TBCEL: variants seen among roughly 807,000 people sequenced by gnomAD.
TBCEL encodes the protein tubulin-specific chaperone cofactor E-like protein.
Under a neutral mutation model 44.2 loss-of-function variants are expected in TBCEL, and 15 were observed. The observed-to-expected ratio is 0.34, with a 90% CI of 0.23 to 0.52. The LOEUF (loss-of-function observed/expected upper bound fraction) is 0.52. TBCEL is among the 20% of genes least tolerant of loss of function. TBCEL has a pLI of 0.95. For missense variants in TBCEL, 319 were observed against 506.3 expected (o/e 0.63, Z 3.55); for synonymous variants, 171 against 185.4 (o/e 0.92, Z 0.63).
chr11:121,024,456 G>C (rs1478583130), intron 1 of TBCEL, among the ~76,000 whole-genome samples, 165 bp downstream of exon 1: 2 of 151,890 alleles, frequency 1.3e-5, no homozygotes, highest in Non-Finnish European at 2.9e-5. Flanking sequence ...GGGGATGGGA[G>C]ACCTGCCCTG....
intron 1 of TBCEL, among the ~76,000 whole-genome samples, chr11:121,034,143 G>A (rs1945190084): frequency 6.6e-6 from 1 of 152,118 alleles, no homozygotes; most frequent in Non-Finnish European, 1.5e-5. Context: ...GGGTCATATA[G>A]TAATTCTGTG....
In TBCEL at chr11:121,045,799, A is replaced by G. The variant is rs1945419946; in HGVS notation, c.109A>G (p.Thr37Ala). The G allele has an allele frequency of 6.2e-7, 1 of 1,609,944 alleles. No homozygotes were observed. The part of the protein sequence containing the change: ...GPGMGVHVPA[T>A]PQGSPMKDRL... ...GGGGATGGGAGTCCATGTCCCAGCCACACCTCAGGGCTCTCCTATGAAAGG... is the reference window on the plus strand; with the variant it reads ...GGGGATGGGAGTCCATGTCCCAGCCGCACCTCAGGGCTCTCCTATGAAAGG... Residue 37 changes from threonine (T) to alanine (A), a missense_variant, in exon 3 of 9, where the codon ACA becomes GCA. Transcript: ENST00000683345.
chr11:121,084,931 CTTTGT>C (rs1254905378), intron 8 of TBCEL, among the ~76,000 whole-genome samples: 2 of 151,686 alleles, frequency 1.3e-5, no homozygotes, highest in Non-Finnish European at 2.9e-5. Context: ...GTTTGTTTTG[CTTTGT>C]TTTGTTTTAT....
chr11:121,060,250 A>G (rs139541613), intron 8 of TBCEL, among the ~76,000 whole-genome samples, 165 bp downstream of exon 8: 89 of 151,972 alleles, frequency 5.9e-4, no homozygotes, highest in Non-Finnish European at 1.1e-3. Flanking sequence ...ATTTTATCTC[A>G]TTTTCCACAG....
intron 1 of TBCEL, among the ~76,000 whole-genome samples, chr11:121,028,140 C>A (rs1293547123): frequency 6.6e-6 from 1 of 151,974 alleles, no homozygotes; most frequent in Non-Finnish European, 1.5e-5. Context: ...GAGGTTGAGG[C>A]TTCAGTGAGC....
chr11:121,083,526 T>G (rs1332705540), intron 8 of TBCEL, among the ~76,000 whole-genome samples: 2 of 152,222 alleles, frequency 1.3e-5, no homozygotes, highest in Non-Finnish European at 2.9e-5. Context: ...GGTCATTTAA[T>G]TTTTAGATGT....
At chr11:121,050,512 A>G (rs1945510502) in intron 4 of TBCEL, among the ~76,000 whole-genome samples, 1 of 151,656 alleles carries the variant, frequency 6.6e-6, no homozygotes, top group African/African-American at 2.4e-5. Context: ...AAAATTGGGC[A>G]CCTATGTTTA....
chr11:121,026,715 C>T (rs1274816099), intron 1 of TBCEL, among the ~76,000 whole-genome samples: 1 of 152,108 alleles, frequency 6.6e-6, no homozygotes, highest in Non-Finnish European at 1.5e-5. Flanking sequence ...TATCAGCCAT[C>T]CTTTAAAAAT....
intron 2 of TBCEL, among the ~76,000 whole-genome samples, chr11:121,041,928 A>G (rs1045107642): frequency 2.0e-5 from 3 of 151,378 alleles, no homozygotes; most frequent in African/African-American, 7.3e-5. Flanking sequence ...AAAAAAAAAA[A>G]GAAGTCTTAA....
At chr11:121,075,906 C>T (rs903400285) in intron 8 of TBCEL, among the ~76,000 whole-genome samples, 1 of 151,842 alleles carries the variant, frequency 6.6e-6, no homozygotes, top group African/African-American at 2.4e-5. Context: ...TTTGTTTTGG[C>T]GTATGGGTGC....
Position 121,055,372 on chromosome 11 carries a change from T to C in TBCEL, c.712+64T>C, listed in dbSNP as rs1945600819. 6 of 1,421,498 alleles carry C rather than the reference T, an allele frequency of 4.2e-6. No individual in the cohort carries two copies. The South Asian group carries it at 1.1e-4, about 25-fold the overall frequency. The allele number at this position is 1,421,498 out of a possible 1,614,324, so 88.1% of individuals were successfully genotyped here. ...ACCTGAGCATATGCATGAAATACAATGAAAGTATATTTCTTTCAGTCACAG... is the reference window on the plus strand; with the variant it reads ...ACCTGAGCATATGCATGAAATACAACGAAAGTATATTTCTTTCAGTCACAG... On this transcript the variant is annotated intron_variant, in intron 6 of 8. Coordinates refer to ENST00000683345, the MANE Select transcript of TBCEL (RefSeq NM_001363644.2).
chr11:121,082,085 T>C (rs1452782122), intron 8 of TBCEL, among the ~76,000 whole-genome samples: 4 of 152,238 alleles, frequency 2.6e-5, no homozygotes. Context: ...TGGAGGGCTT[T>C]TTATGCTTAT....
At chr11:121,041,292 G>C (rs1269333451) in intron 2 of TBCEL, among the ~76,000 whole-genome samples, 1 of 152,164 alleles carries the variant, frequency 6.6e-6, no homozygotes, top group African/African-American at 2.4e-5. Context: ...AGGGTACTAA[G>C]GTGACTGGAT....
intron 8 of TBCEL, among the ~76,000 whole-genome samples, chr11:121,086,430 C>T (rs553852257): frequency 4.1e-4 from 62 of 152,280 alleles, no homozygotes; most frequent in African/African-American, 1.4e-3. Flanking sequence ...GATACCTGCC[C>T]TTCTTGATGA....
At chr11:121,052,980 T>C (rs1018704095) in intron 4 of TBCEL, among the ~76,000 whole-genome samples, 4 of 151,846 alleles carry the variant, frequency 2.6e-5, no homozygotes, top group African/African-American at 7.3e-5. Context: ...CCTTTCGTTA[T>C]ATAGTTACGG....
In TBCEL at chr11:121,088,627, A is replaced by G. The variant is rs923399798; in HGVS notation, c.*1531A>G. 5.3e-5 allele frequency: 8 copies of G among 152,334 alleles called. No individual in the cohort carries two copies. The highest frequency in any genetic ancestry group is 1.7e-4 in the African/African-American group (7 of 41,590). The allele number at this position is 152,334 out of a possible 1,614,324, so 9.4% of individuals were successfully genotyped here. On this transcript the variant is annotated 3_prime_UTR_variant, in exon 9 of 9. Transcript: ENST00000683345. ...TGCATTTGACCTTTTGACCTTTGTT[A>G]CATAATTCTACCCCTCCTACAAATT...
At chr11:121,079,838 G>A (rs529378804) in intron 8 of TBCEL, among the ~76,000 whole-genome samples, 1 of 152,012 alleles carries the variant, frequency 6.6e-6, no homozygotes, top group East Asian at 1.9e-4. Context: ...TTTTTGAAAC[G>A]GAGTCTCACT....
chr11:121,056,734 T>C (rs534766056), intron 6 of TBCEL, among the ~76,000 whole-genome samples: 108 of 151,852 alleles, frequency 7.1e-4, no homozygotes, highest in Non-Finnish European at 1.1e-3. Context: ...ATGTATGATA[T>C]TGAACATCTT....
chr11:121,076,327 C>T (rs1946032606), intron 8 of TBCEL, among the ~76,000 whole-genome samples: 1 of 151,848 alleles, frequency 6.6e-6, no homozygotes, highest in Non-Finnish European at 1.5e-5. Context: ...GTATCTCTTT[C>T]CATTTATTTA....
Sources: gnomAD v4.1 joint callset for allele counts (sites outside exome capture counted in the v4.1 genomes callset) on GRCh38, gnomAD v4.1.1 for gene constraint, MANE v1.5 for transcripts, NCBI Gene and HGNC (gene_info 2026-07-23, HGNC 2026-07-21) for gene names.